NLGN4X: variants seen among roughly 807,000 people sequenced by gnomAD.
The protein encoded by NLGN4X is neuroligin-4, X-linked.
Under a neutral mutation model 40.3 loss-of-function variants are expected in NLGN4X, and 3 were observed. The observed-to-expected ratio is 0.07, with a 90% CI of 0.03 to 0.19. The LOEUF (loss-of-function observed/expected upper bound fraction) is 0.19. Among genes scored for constraint, NLGN4X ranks in the 10% least tolerant of loss-of-function variants. The pLI is 1.00. For synonymous variants in NLGN4X, 270 were observed against 306.8 expected, an observed-to-expected ratio of 0.88 and a Z score of 1.25; for missense variants, 382 against 708.3, an observed-to-expected ratio of 0.54 and a Z score of 5.23.
intron 1 of NLGN4X, among the ~76,000 whole-genome samples, chrX:6,155,943 G>A (rs1206913810): frequency 1.8e-5 from 2 of 112,277 alleles, no homozygotes; most frequent in Non-Finnish European, 3.8e-5. Context: ...ATACACCGTT[G>A]GTGAGAACGT....
intron 1 of NLGN4X, among the ~76,000 whole-genome samples, chrX:6,163,574 C>A (rs760116268): frequency 1.2e-4 from 14 of 112,047 alleles, no homozygotes; most frequent in Non-Finnish European, 2.3e-4. Flanking sequence ...CCTGCTCCTT[C>A]TGTGGGATGG....
intron 1 of NLGN4X, among the ~76,000 whole-genome samples, chrX:6,162,357 C>T (rs2040418155): frequency 9.0e-6 from 1 of 111,503 alleles, no homozygotes; most frequent in African/African-American, 3.3e-5. Flanking sequence ...GAGGGTGTTG[C>T]CAAAGGAGAT....
At chrX:5,941,182 TGTGTGTG>T (rs2033928790) in intron 3 of NLGN4X, among the ~76,000 whole-genome samples, 1 of 20,999 alleles carries the variant, frequency 4.8e-5, no homozygotes, top group South Asian at 3.4e-3. Context: ...TGCTAGGGGG[TGTGTGTG>T]TGTGTGTGTG....
rs1433251514 is a variant in NLGN4X, at chrX:6,167,089, AAAG to A, written c.-305-15321_-305-15319del. Among the ~76,000 whole-genome samples the A allele has an allele frequency of 2.2e-3, 231 of 106,015 alleles. 1 individual carries two copies. Among genetic ancestry groups the A allele is most frequent in the African/African-American group, 7.5e-3 (216 of 28,809 alleles). 92.1% of individuals were successfully genotyped at this position (106,015 alleles called of 115,157 possible). On this transcript the variant is annotated intron_variant, in intron 1 of 5. Coordinates refer to ENST00000381095, the MANE Select transcript of NLGN4X (RefSeq NM_181332.3). ...TGTCTCAAAAAAAAAAAAAAAAAAAAAAGAAAGAATAAAAGGCAAATATCTCCA... is the reference window on the plus strand; with the variant it reads ...TGTCTCAAAAAAAAAAAAAAAAAAAAAAAGAATAAAAGGCAAATATCTCCA...
intron 3 of NLGN4X, among the ~76,000 whole-genome samples, chrX:5,951,135 T>C (rs145823401): frequency 1.5e-4 from 17 of 112,066 alleles, no homozygotes; most frequent in African/African-American, 5.2e-4. Flanking sequence ...ACAGAAGACA[T>C]TATCTTACTT....
At chrX:6,093,669 C>T (rs1260737368) in intron 2 of NLGN4X, among the ~76,000 whole-genome samples, 1 of 110,602 alleles carries the variant, frequency 9.0e-6, no homozygotes, top group African/African-American at 3.3e-5. Context: ...AATGATACAA[C>T]CATAATATCT....
intron 2 of NLGN4X, among the ~76,000 whole-genome samples, chrX:6,046,672 C>T (rs760580977): frequency 6.4e-5 from 7 of 110,184 alleles, no homozygotes; most frequent in Middle Eastern, 4.9e-3. Flanking sequence ...TGCGCATAGA[C>T]GATTATATGG....
chrX:5,912,946 A>G (rs1264564850), intron 3 of NLGN4X, among the ~76,000 whole-genome samples: 1 of 25,423 alleles, frequency 3.9e-5, no homozygotes, highest in East Asian at 1.6e-3. Context: ...GAGGGAGGGA[A>G]GGAGGGAGGG....
At chrX:6,083,418 TA>T (rs1457493459) in intron 2 of NLGN4X, among the ~76,000 whole-genome samples, 1 of 112,139 alleles carries the variant, frequency 8.9e-6, no homozygotes, top group African/African-American at 3.2e-5. Context: ...CTATTTTTTA[TA>T]ACCCAGTTTC....
At chrX:6,047,134 A>G (rs1045683528) in intron 2 of NLGN4X, among the ~76,000 whole-genome samples, 2 of 111,096 alleles carry the variant, frequency 1.8e-5, no homozygotes, top group African/African-American at 6.5e-5. Flanking sequence ...GAAAAGAAAG[A>G]TCACTGAAGG....
rs1247353694 is a variant in NLGN4X at position 5,891,211 on chromosome X, A to G, written c.*1606T>C. ...CTGATCCCTAGGTCACCAATTTAAA[A>G]TGGGTGAATAATTTCCATTCAATGT... On this transcript the variant is annotated 3_prime_UTR_variant, in exon 6 of 6. Coordinates refer to ENST00000381095, the MANE Select transcript of NLGN4X (RefSeq NM_181332.3). The G allele has an allele frequency of 4.3e-6, 1 of 233,735 alleles. No individual in the cohort carries two copies. Among genetic ancestry groups the G allele is most frequent in the Admixed American group, 6.1e-5 (1 of 16,442 alleles). 19.3% of individuals were successfully genotyped at this position (233,735 alleles called of 1,213,427 possible).
At chrX:5,975,154 T>C (rs2035137152) in intron 3 of NLGN4X, among the ~76,000 whole-genome samples, 1 of 112,128 alleles carries the variant, frequency 8.9e-6, no homozygotes, top group Non-Finnish European at 1.9e-5. Flanking sequence ...CTGCAGACCA[T>C]GGTTGACCGT....
At chrX:6,077,908 C>A (rs2038247498) in intron 2 of NLGN4X, among the ~76,000 whole-genome samples, 1 of 111,837 alleles carries the variant, frequency 8.9e-6, no homozygotes, top group Admixed American at 9.5e-5. Context: ...AGCCTTAGAA[C>A]CTGCAAATGG....
intron 2 of NLGN4X, among the ~76,000 whole-genome samples, chrX:6,080,110 C>T (rs1319124978): frequency 1.1e-5 from 1 of 88,313 alleles, no homozygotes; most frequent in Admixed American, 1.2e-4. Context: ...GTCTAGAAAC[C>T]AGAAAAAAAA....
chrX:5,962,549 AT>A (rs1178492894), intron 3 of NLGN4X, among the ~76,000 whole-genome samples: 1 of 112,681 alleles, frequency 8.9e-6, no homozygotes, highest in Admixed American at 9.4e-5. Flanking sequence ...CACTTGCTAT[AT>A]TTTAATCAAA....
intron 3 of NLGN4X, among the ~76,000 whole-genome samples, chrX:5,921,474 C>T (rs1231663829): frequency 2.1e-5 from 2 of 94,777 alleles, no homozygotes; most frequent in Non-Finnish European, 4.3e-5. Context: ...CAGCCTAATA[C>T]TTCCAAGCAC....
chrX:5,908,320 A>G (rs1186751944), intron 4 of NLGN4X, among the ~76,000 whole-genome samples: 1 of 110,873 alleles, frequency 9.0e-6, no homozygotes, highest in Non-Finnish European at 1.9e-5. Context: ...ACGTGTTTCA[A>G]TATTTCCAGA....
intron 2 of NLGN4X, among the ~76,000 whole-genome samples, chrX:6,034,920 T>C (rs942519812): frequency 5.4e-5 from 6 of 111,001 alleles, no homozygotes; most frequent in African/African-American, 2.0e-4. Context: ...GTTGGCCAGG[T>C]TGGTCTTGAA....
At position 6,105,934 on chromosome X, in the gene NLGN4X, C is replaced by T. The variant is rs140983995; in HGVS notation, c.472+45061G>A. Among the ~76,000 whole-genome samples the T allele has an allele frequency of 4.0e-3, 450 of 111,850 alleles. 1 individual carries two copies. The highest frequency in any genetic ancestry group is 0.014 in the African/African-American group (423 of 30,755). Reference sequence around the variant, plus strand: ...ATTTTCCACTGACCACCAACATTATCAATGAGACCTTTGATATCACAGATC... The same window carrying T: ...ATTTTCCACTGACCACCAACATTATTAATGAGACCTTTGATATCACAGATC... On this transcript the variant is annotated intron_variant, in intron 2 of 5. Transcript: ENST00000381095.
Sources: gnomAD v4.1 joint callset for allele counts (sites outside exome capture counted in the v4.1 genomes callset) on GRCh38, gnomAD v4.1.1 for gene constraint, MANE v1.5 for transcripts, NCBI Gene and HGNC (gene_info 2026-07-23, HGNC 2026-07-21) for gene names.